DNM1: variants seen among roughly 807,000 people sequenced by gnomAD.
The protein encoded by DNM1 is dynamin-1.
A neutral mutation model predicts 104.6 loss-of-function variants in DNM1; 29 were observed. The ratio of observed to expected loss-of-function variants is 0.28; its 90% CI spans 0.21 to 0.38. The LOEUF is 0.38. DNM1 is among the 10% of genes least tolerant of loss of function. The probability of loss-of-function intolerance (pLI) is 1.00; values close to 1 mark genes in which losing one functional copy is unlikely to be tolerated. For missense variants in DNM1, 640 were observed against 1,189.4 expected, an observed-to-expected ratio of 0.54 and a Z score of 6.79; for synonymous variants, 445 against 475.8, an observed-to-expected ratio of 0.94 and a Z score of 0.84.
intron 1 of DNM1, among the ~76,000 whole-genome samples, chr9:128,206,233 C>T (rs1029514756): frequency 3.9e-5 from 6 of 152,160 alleles, no homozygotes; most frequent in African/African-American, 1.4e-4. Context: ...ATCAGGGCTG[C>T]CCCAGGCCCA....
rs749382749 is a variant in DNM1, at chr9:128,250,225, G to C, written c.2187G>C (p.Leu729=). ...AEQAQRRDEM[L]RMYHALKEAL... ...AGGCACAGCGGCGCGACGAGATGCT[G>C]CGCATGTACCACGCACTGAAGGAGG... The change falls in exon 20 of 22, where the codon CTG becomes CTC. Residue 729 remains leucine (L), a synonymous_variant. Coordinates refer to ENST00000372923, the MANE Select transcript of DNM1 (RefSeq NM_004408.4). 1 of 1,614,056 alleles carries C rather than the reference G, an allele frequency of 6.2e-7. No homozygotes were observed. Among genetic ancestry groups the C allele is most frequent in the Non-Finnish European group, 8.5e-7 (1 of 1,180,030 alleles).
intron 1 of DNM1, among the ~76,000 whole-genome samples, chr9:128,210,267 G>A (rs1834207325): frequency 6.6e-6 from 1 of 151,596 alleles, no homozygotes; most frequent in African/African-American, 2.4e-5. Flanking sequence ...GTTGCCCAGG[G>A]TGGCCTCAAA....
At chr9:128,213,949 A>AG (rs773238373) in intron 1 of DNM1, among the ~76,000 whole-genome samples, 1 of 152,154 alleles carries the variant, frequency 6.6e-6, no homozygotes, top group African/African-American at 2.4e-5. Flanking sequence ...GCAGGAACAG[A>AG]GAGCGACTTG....
chr9:128,244,917 G>T, intron 15 of DNM1: 1 of 380,580 alleles, frequency 2.6e-6, no homozygotes. Flanking sequence ...CCCAGCCTGT[G>T]TCCCCCTAGC....
intron 1 of DNM1, among the ~76,000 whole-genome samples, chr9:128,215,036 C>T (rs1482301614): frequency 6.6e-6 from 1 of 152,244 alleles, no homozygotes; most frequent in East Asian, 1.9e-4. Flanking sequence ...TCTCGTGTTG[C>T]CTGCACGCCT....
chr9:128,250,710 C>T lies in DNM1; in HGVS notation c.2319-15C>T, dbSNP rs1306085303. 3 of 1,460,446 alleles carry T rather than the reference C, an allele frequency of 2.1e-6. No individual in the cohort carries two copies. Among genetic ancestry groups the T allele is most frequent in the East Asian group, 3.0e-5 (1 of 33,470 alleles). 90.5% of individuals were successfully genotyped at this position (1,460,446 alleles called of 1,614,324 possible). ...ATCTCGCCTCTCCTTGTTCCTCGCT[C>T]CCTGTCGCCCTCAGGTCGCCCACGT... is the stretch of plus-strand genomic sequence containing the variant. On this transcript the variant is annotated splice_polypyrimidine_tract_variant and intron_variant, in intron 20 of 21. Coordinates refer to ENST00000372923, the MANE Select transcript of DNM1 (RefSeq NM_004408.4).
chr9:128,215,483 C>G (rs1427244651), intron 1 of DNM1, among the ~76,000 whole-genome samples: 1 of 152,254 alleles, frequency 6.6e-6, no homozygotes, highest in Non-Finnish European at 1.5e-5. Context: ...ATCTGGGCAC[C>G]AGGAGATCTT....
Position 128,248,481 on chromosome 9 carries a change from C to T in DNM1, c.1906-102C>T, listed in dbSNP as rs1829305358. 3 of 1,382,072 alleles carry T rather than the reference C, an allele frequency of 2.2e-6. No homozygotes were observed. Among genetic ancestry groups the T allele is most frequent in the Admixed American group, 4.1e-5 (2 of 48,462 alleles). 85.6% of individuals were successfully genotyped at this position (1,382,072 alleles called of 1,614,324 possible). A position where few individuals can be genotyped will look rare whatever the true frequency, so the allele number is the denominator to read the frequency against. On this transcript the variant is annotated intron_variant, in intron 18 of 21. Coordinates refer to ENST00000372923, the MANE Select transcript of DNM1 (RefSeq NM_004408.4). This position sits in a 1 kb window ranked among gnomAD's most constrained non-coding sequence, Gnocchi z 5.6. ...TTCAGGCCAGTCGCTTCTCTCTGTG[C>T]CTCAATATTCTGGGTACCCTTGGAG...
At chr9:128,239,894 C>T in intron 13 of DNM1, 91 bp from the exon 14 acceptor site, 1 of 1,582,230 alleles carries the variant, frequency 6.3e-7, no homozygotes, top group Non-Finnish European at 8.7e-7. Flanking sequence ...GACCTGTCAG[C>T]TGCCAGCCAC....
chr9:128,218,357 C>G lies in DNM1; in HGVS notation c.235+53C>G. ...GGCCTGCCCACTCCAGCCTCTCCCC[C>G]GTCCCCAAGCTGAGGGCCAGCCTGG... On this transcript the variant is annotated intron_variant, in intron 2 of 21. Coordinates refer to ENST00000372923, the MANE Select transcript of DNM1 (RefSeq NM_004408.4). This position sits in a 1 kb window ranked among gnomAD's most constrained non-coding sequence, Gnocchi z 4.8. The G allele has an allele frequency of 3.8e-6, 6 of 1,594,692 alleles. No homozygotes were observed. Among genetic ancestry groups the G allele is most frequent in the Non-Finnish European group, 4.3e-6 (5 of 1,162,412 alleles).
rs887270109 is a variant in DNM1 at position 128,222,709 on chromosome 9, C to A, written c.1129-84C>A. The stretch of plus-strand genomic sequence containing the variant: ...CCACCCCACAGGCCCTGATGCCCAG[C>A]CCTAGGTGTGGGGTGGGCCCTGTCT... On this transcript the variant is annotated intron_variant, in intron 8 of 21. Transcript: ENST00000372923. This position sits in a 1 kb window ranked among gnomAD's most constrained non-coding sequence, Gnocchi z 7.8. 1.2e-6 allele frequency: 2 copies of A among 1,601,006 alleles called. No individual in the cohort carries two copies. The highest frequency in any genetic ancestry group is 1.7e-6 in the Non-Finnish European group (2 of 1,170,174).
rs1253020219 is a variant in DNM1 at position 128,243,149 on chromosome 9, C to T, written c.1671+804C>T. 5.9e-5 allele frequency among the ~76,000 whole-genome samples: 9 copies of T among 152,206 alleles called. No homozygotes were observed. The East Asian group carries it at 1.7e-3, about 29-fold the overall frequency. On this transcript the variant is annotated intron_variant, in intron 15 of 21. Coordinates refer to ENST00000372923, the MANE Select transcript of DNM1 (RefSeq NM_004408.4). This position sits in a 1 kb window ranked among gnomAD's most constrained non-coding sequence, Gnocchi z 4.0. ...GGAGTGTGGGGGCCCTGCCGAGGTGCCACAAAAAACCCCTCCCCGCCCACT... is the reference window on the plus strand; with the variant it reads ...GGAGTGTGGGGGCCCTGCCGAGGTGTCACAAAAAACCCCTCCCCGCCCACT...
rs199738085 is a variant in DNM1, at chr9:128,218,610, A to T, written c.264A>T (p.Gly88=). ...TEYAEFLHCK[G]KKFTDFEEVR... ...ATGCCGAGTTCCTGCACTGCAAGGG[A>T]AAGAAATTCACCGACTTCGAGGAGG... is the stretch of plus-strand genomic sequence containing the variant. The change falls in exon 3 of 22, where the codon GGA becomes GGT. Residue 88 remains glycine (G), a synonymous_variant. Coordinates refer to ENST00000372923, the MANE Select transcript of DNM1 (RefSeq NM_004408.4). The surrounding 1 kb of genome is among the most constrained non-coding windows in gnomAD (Gnocchi z 4.8). 32 of 1,613,366 alleles carry T rather than the reference A, an allele frequency of 2.0e-5. No individual in the cohort carries two copies. The East Asian group carries it at 2.9e-4, about 15-fold the overall frequency.
rs1237930917 is a variant in DNM1 at position 128,246,386 on chromosome 9, A to G, written c.1672-8A>G. On this transcript the variant is annotated splice_polypyrimidine_tract_variant and splice_region_variant and intron_variant, in intron 15 of 21. Transcript: ENST00000372923. ...ACCTCACCCCATTGCTCCTACCTGC[A>G]CCCACAGGAGAAAGAGAAGAAATAC... is the stretch of plus-strand genomic sequence containing the variant. 1 of 1,606,872 alleles carries G rather than the reference A, an allele frequency of 6.2e-7. No individual in the cohort carries two copies. Among genetic ancestry groups the G allele is most frequent in the Non-Finnish European group, 8.5e-7 (1 of 1,173,420 alleles).
chr9:128,232,278 A>G (rs1835742819), intron 10 of DNM1, among the ~76,000 whole-genome samples: 1 of 152,162 alleles, frequency 6.6e-6, no homozygotes, highest in Non-Finnish European at 1.5e-5. Flanking sequence ...GTCTGCCCAG[A>G]CTTGGAGACT....
chr9:128,204,781 G>C (rs1833812595), intron 1 of DNM1: 1 of 152,434 alleles, frequency 6.6e-6, no homozygotes, highest in South Asian at 2.1e-4. Context: ...TGACCTTCAG[G>C]GCCAAAAAAG....
chr9:128,254,122 C>T lies in DNM1; in HGVS notation c.2535-532C>T, dbSNP rs1829704480. ...CCGGCTGCCTGCCCTCCCTGCCTCC[C>T]CCAGGGTCCCTTCAGAGGGTCCTGG... On this transcript the variant is annotated intron_variant, in intron 21 of 21. Coordinates refer to ENST00000372923, the MANE Select transcript of DNM1 (RefSeq NM_004408.4). This position sits in a 1 kb window ranked among gnomAD's most constrained non-coding sequence, Gnocchi z 6.1. 21 of 1,262,434 alleles carry T rather than the reference C, an allele frequency of 1.7e-5. No homozygotes were observed. In the South Asian group the frequency reaches 6.6e-4, roughly 40 times the overall value. 78.2% of individuals were successfully genotyped at this position (1,262,434 alleles called of 1,614,324 possible). A position where few individuals can be genotyped will look rare whatever the true frequency, so the allele number is the denominator to read the frequency against.
chr9:128,203,402 G>GCGGAGCCGGAGT lies in DNM1; in HGVS notation c.-59_-48dup, dbSNP rs1833604478. On this transcript the variant is annotated 5_prime_UTR_variant, in exon 1 of 22. Transcript: ENST00000372923. This position sits in a 1 kb window ranked among gnomAD's most constrained non-coding sequence, Gnocchi z 5.3. ...GCAGTCTGGGCGCGCGGCTGCAGCGGCGGAGCCGGAGTCGGAGCCGGGAGC... is the reference window on the plus strand; with the variant it reads ...GCAGTCTGGGCGCGCGGCTGCAGCGGCGGAGCCGGAGTCGGAGCCGGAGTCGGAGCCGGGAGC... The GCGGAGCCGGAGT allele has an allele frequency of 2.3e-6, 3 of 1,330,268 alleles. No individual in the cohort carries two copies. Among genetic ancestry groups the GCGGAGCCGGAGT allele is most frequent in the Admixed American group, 7.7e-5 (2 of 26,002 alleles). The allele number at this position is 1,330,268 out of a possible 1,614,324, so 82.4% of individuals were successfully genotyped here.
chr9:128,229,197 G>A (rs1450837614), intron 10 of DNM1, among the ~76,000 whole-genome samples: 2 of 151,936 alleles, frequency 1.3e-5, no homozygotes, highest in African/African-American at 4.8e-5. Flanking sequence ...TTTAATACCA[G>A]CCTGGGCAAC....
Sources: allele counts gnomAD v4.1 joint callset (sites outside exome capture counted in the v4.1 genomes callset), GRCh38; gene constraint gnomAD v4.1.1; non-coding constraint Gnocchi (gnomAD v3.1); transcripts MANE v1.5; gene names NCBI Gene and HGNC (gene_info 2026-07-23, HGNC 2026-07-21).